The following LIX1L variants were observed in gnomAD, a reference collection of about 807,000 sequenced individuals.
LIX1L encodes the protein limb and CNS expressed 1 like.
In LIX1L, 20 loss-of-function variants were observed where a neutral mutation model predicts 34.0. The ratio of observed to expected loss-of-function variants is 0.59; its 90% confidence interval spans 0.41 to 0.85. LIX1L has a LOEUF of 0.85. Ranked by LOEUF, LIX1L falls within the 40% of genes least tolerant of loss-of-function variation. LIX1L has a pLI of 0.00. For synonymous variants in LIX1L, 170 were observed against 187.4 expected (o/e 0.91, Z 0.76); for missense variants, 397 against 447.0 (o/e 0.89, Z 1.01).
In LIX1L at chr1:145,934,468, G is replaced by GA. The variant is rs1648547917; in HGVS notation, c.*1841_*1842insT. On this transcript the variant is annotated 3_prime_UTR_variant, in exon 6 of 6. Transcript: ENST00000604000. ...GGGCGCCTGTAGTCCCAGCTACTAA[G>GA]GAGGCTGAGGCAGGAGAGTGGCGTG... The GA allele has an allele frequency of 6.6e-6, 1 of 152,230 alleles. No individual in the cohort carries two copies. The highest frequency in any genetic ancestry group is 1.5e-5 in the Non-Finnish European group (1 of 68,166). The allele number at this position is 152,230 out of a possible 1,614,324, so 9.4% of individuals were successfully genotyped here.
rs1176006904 is a variant in LIX1L at position 145,935,354 on chromosome 1, A to G, written c.*956T>C. The G allele has an allele frequency of 2.0e-5, 3 of 152,406 alleles. No homozygotes were observed. The highest frequency in any genetic ancestry group is 7.2e-5 in the African/African-American group (3 of 41,478). The allele number at this position is 152,406 out of a possible 1,614,324, so 9.4% of individuals were successfully genotyped here. The stretch of plus-strand genomic sequence containing the variant: ...GGAAAGAAAGAGAAAACAAATGAGA[A>G]TCTAAGGTAGTAAACAGCAGCAACT... On this transcript the variant is annotated 3_prime_UTR_variant, in exon 6 of 6. Transcript: ENST00000604000.
chr1:145,957,893 C>A lies in LIX1L; in HGVS notation c.35G>T (p.Gly12Val), dbSNP rs782432777. 6.7e-7 allele frequency: 1 copy of A among 1,488,746 alleles called. No individual in the cohort carries two copies. Among genetic ancestry groups the A allele is most frequent in the Non-Finnish European group, 8.9e-7 (1 of 1,123,168 alleles). 92.2% of individuals were successfully genotyped at this position (1,488,746 alleles called of 1,614,324 possible). The change falls in exon 1 of 6, where the codon GGT (glycine) becomes GTT (valine). Residue 12 changes from glycine (G) to valine (V), a missense_variant. Physicochemically the swap from Gly to Val is moderately radical, Grantham distance 109. Transcript: ENST00000604000. ...ETMRAQRLQPGVGTSGRGTLR... is the reference protein window; with the variant it reads ...ETMRAQRLQPVVGTSGRGTLR... ...AGTGCCCCTCCCGCTGGTGCCCACA[C>A]CAGGCTGCAGCCGCTGCGCTCGCAT...
chr1:145,936,499 T>C lies in LIX1L; in HGVS notation c.825A>G (p.Gln275=). Residue 275 remains glutamine (Q), a synonymous_variant, in exon 6 of 6, where the codon CAA becomes CAG. Transcript: ENST00000604000. The part of the protein sequence containing the change: ...HRALDDDIRH[Q]MALDWVSREQ... ...CCCGGCTCACCCAGTCCAAGGCCAT[T>C]TGGTGGCGAATATCATCATCCAGGG... is the stretch of plus-strand genomic sequence containing the variant. 6.2e-7 allele frequency: 1 copy of C among 1,614,120 alleles called. No homozygotes were observed. Among genetic ancestry groups the C allele is most frequent in the South Asian group, 1.1e-5 (1 of 91,084 alleles).
At position 145,957,333 on chromosome 1, in the gene LIX1L, G is replaced by C. The variant is rs79477368; in HGVS notation, c.292+303C>G. ...GACTGGTTCTCAAAGGCAGAGAGAT[G>C]TTAAGGTATTAAGCTGGAGGAGGAA... is the stretch of plus-strand genomic sequence containing the variant. On this transcript the variant is annotated intron_variant, in intron 1 of 5. Transcript: ENST00000604000. 8.0e-3 allele frequency among the ~76,000 whole-genome samples: 1,213 copies of C among 152,314 alleles called. 14 individuals are homozygous for C. The highest frequency in any genetic ancestry group is 0.027 in the African/African-American group (1,139 of 41,574).
Position 145,957,723 on chromosome 1 carries a change from C to CG in LIX1L, c.204dup (p.Gly69ArgfsTer49), listed in dbSNP as rs781851782. ...AGCACTGCCGGGCTGCCGGCGGCGC[C>CG]GGGGGGCAGGGGTAGTCCTGGGGCC... On this transcript the variant is annotated frameshift_variant, in exon 1 of 6. Coordinates refer to ENST00000604000, the MANE Select transcript of LIX1L (RefSeq NM_153713.3). LOFTEE classifies it high-confidence loss of function. 2.0e-6 allele frequency: 3 copies of CG among 1,477,612 alleles called. No homozygotes were observed. The highest frequency in any genetic ancestry group is 8.9e-7 in the Non-Finnish European group (1 of 1,119,310). The allele number at this position is 1,477,612 out of a possible 1,614,324, so 91.5% of individuals were successfully genotyped here. A position where few individuals can be genotyped will look rare whatever the true frequency, so the allele number is the denominator to read the frequency against.
intron 1 of LIX1L, among the ~76,000 whole-genome samples, chr1:145,956,182 C>G (rs911819227): frequency 6.6e-6 from 1 of 152,034 alleles, no homozygotes; most frequent in Non-Finnish European, 1.5e-5. Context: ...CATTTGTATC[C>G]CCAGCACCTA....
chr1:145,945,471 G>A (rs1209898113), intron 2 of LIX1L, among the ~76,000 whole-genome samples: 1 of 151,984 alleles, frequency 6.6e-6, no homozygotes, highest in Non-Finnish European at 1.5e-5. Context: ...GATCAGCCAG[G>A]CACGGTGGCT....
intron 3 of LIX1L, among the ~76,000 whole-genome samples, chr1:145,940,248 G>C (rs1648848237): frequency 6.6e-6 from 1 of 152,118 alleles, no homozygotes; most frequent in Admixed American, 6.5e-5. Context: ...TTACAGGCGT[G>C]AGCCACCGCG....
intron 1 of LIX1L, 35 bp downstream of exon 1, chr1:145,957,601 G>C (rs781911220): frequency 1.4e-6 from 2 of 1,468,956 alleles, no homozygotes; most frequent in East Asian, 2.8e-5. Context: ...CCCTTACAGA[G>C]GGTGTCGCGC....
intron 1 of LIX1L, among the ~76,000 whole-genome samples, chr1:145,956,182 C>T (rs911819227): frequency 3.9e-5 from 6 of 152,034 alleles, no homozygotes; most frequent in Admixed American, 2.0e-4. Flanking sequence ...CATTTGTATC[C>T]CCAGCACCTA....
In LIX1L at chr1:145,957,740, C is replaced by T. The variant is rs1402739565; in HGVS notation, c.188G>A (p.Gly63Glu). The part of the protein sequence containing the change: ...PPPLLLSGAP[G>E]LPLPPGAAGS... ...GGCGGCGCCGGGGGGCAGGGGTAGTCCTGGGGCCCCAGACAGGAGCAGCGG... is the reference window on the plus strand; with the variant it reads ...GGCGGCGCCGGGGGGCAGGGGTAGTTCTGGGGCCCCAGACAGGAGCAGCGG... The change falls in exon 1 of 6, where the codon GGA becomes GAA. Residue 63 changes from glycine to glutamate, a missense_variant. Gly to Glu is a moderately conservative substitution (Grantham distance 98, BLOSUM62 -2). Coordinates refer to ENST00000604000, the MANE Select transcript of LIX1L (RefSeq NM_153713.3). The T allele has an allele frequency of 1.4e-6, 2 of 1,433,258 alleles. No individual in the cohort carries two copies. The highest frequency in any genetic ancestry group is 1.8e-6 in the Non-Finnish European group (2 of 1,098,304). The allele number at this position is 1,433,258 out of a possible 1,614,324, so 88.8% of individuals were successfully genotyped here.
At chr1:145,939,381 C>G (rs1648794817) in intron 3 of LIX1L, among the ~76,000 whole-genome samples, 1 of 150,980 alleles carries the variant, frequency 6.6e-6, no homozygotes. Flanking sequence ...TCTCAGTTCA[C>G]CGCAACCTCC....
rs1559237320 is a variant in LIX1L, at chr1:145,936,907, C to A, written c.771+1G>T. The A allele has an allele frequency of 6.2e-7, 1 of 1,607,586 alleles. No individual in the cohort carries two copies. The highest frequency in any genetic ancestry group is 8.5e-7 in the Non-Finnish European group (1 of 1,174,248). On this transcript the variant is annotated splice_donor_variant, in intron 5 of 5. Transcript: ENST00000604000. LOFTEE classifies it high-confidence loss of function. ...TCGCCCCCACTCATAAAATCTCTTA[C>A]CTGCCGAGAGCATTGTCGTTCCCTC...
chr1:145,943,798 G>T (rs1388284549), intron 2 of LIX1L, among the ~76,000 whole-genome samples: 1 of 152,016 alleles, frequency 6.6e-6, no homozygotes, highest in Admixed American at 6.6e-5. Context: ...CACTTTGGGA[G>T]GCCAAGGCAG....
chr1:145,937,418 C>G (rs1308360190), intron 4 of LIX1L, 186 bp downstream of exon 4: 1 of 455,192 alleles, frequency 2.2e-6, no homozygotes, highest in Non-Finnish European at 4.0e-6. Context: ...CTCAGCCTCC[C>G]AAAGTGCTGG....
chr1:145,937,740 C>T (rs1553758038), intron 3 of LIX1L, 41 bp from the exon 4 acceptor site: 12 of 1,192,348 alleles, frequency 1.0e-5, no homozygotes, highest in Non-Finnish European at 1.5e-5. Context: ...GATTTTCAAC[C>T]AGGATTATCA....
chr1:145,940,550 C>CTTTTTTTTTTT (rs60579602), intron 3 of LIX1L, among the ~76,000 whole-genome samples: 2 of 118,892 alleles, frequency 1.7e-5, no homozygotes, highest in African/African-American at 3.4e-5. Context: ...CCTTTTCTTT[C>CTTTTTTTTTTT]TTTTTTTTTT....
intron 3 of LIX1L, among the ~76,000 whole-genome samples, chr1:145,938,466 G>A (rs1648754730): frequency 6.6e-6 from 1 of 152,140 alleles, no homozygotes; most frequent in African/African-American, 2.4e-5. Context: ...CCTTGGTAAA[G>A]TCACTTAACC....
intron 2 of LIX1L, 82 bp downstream of exon 2, chr1:145,947,537 A>C: frequency 7.0e-7 from 1 of 1,424,838 alleles, no homozygotes; most frequent in Admixed American, 1.9e-5. Flanking sequence ...GATTTCAGGC[A>C]GTTTAATGGC....
Sources: allele counts gnomAD v4.1 joint callset (sites outside exome capture counted in the v4.1 genomes callset), GRCh38; gene constraint gnomAD v4.1.1; transcripts MANE v1.5; gene names NCBI Gene and HGNC (gene_info 2026-07-23, HGNC 2026-07-21).